The following ZNF385D variants were observed in gnomAD, a reference collection of about 807,000 sequenced individuals.
ZNF385D encodes the protein zinc finger protein 385D, also known as zinc finger protein 659.
Under a neutral mutation model 35.8 loss-of-function variants are expected in ZNF385D, and 15 were observed. That is an observed-to-expected ratio of 0.42 (90% confidence interval 0.28 to 0.64). ZNF385D has a LOEUF of 0.64. ZNF385D is among the 30% of genes least tolerant of loss of function. ZNF385D has a pLI of 0.23. For synonymous variants in ZNF385D, 212 were observed against 186.8 expected (o/e 1.13, Z -1.10); for missense variants, 474 against 494.6 (o/e 0.96, Z 0.39).
At chr3:22,150,714 T>C (rs1198814442) in intron 3 of ZNF385D, among the ~76,000 whole-genome samples, 1 of 152,148 alleles carries the variant, frequency 6.6e-6, no homozygotes, top group Non-Finnish European at 1.5e-5. Flanking sequence ...TCTTAAAATA[T>C]ATTTAATATT....
intron 1 of ZNF385D, among the ~76,000 whole-genome samples, chr3:21,681,298 T>TGAAAAAA (rs367942289): frequency 2.3e-4 from 15 of 64,442 alleles, no homozygotes; most frequent in Non-Finnish European, 3.6e-4. Context: ...ATTCCATCAG[T>TGAAAAAA]AAAAAAAAAA....
rs898016799 is a variant in ZNF385D, at chr3:22,245,037, AC to A, written c.107-76003del. ...AATTGCCAGAGAAAGTAGAAAAATG[AC>A]CTCCAAGTGAATAGACGATCTATGC... On this transcript the variant is annotated intron_variant, in intron 2 of 5. Transcript: ENST00000494108. 1.7e-3 allele frequency among the ~76,000 whole-genome samples: 258 copies of A among 152,184 alleles called. 4 individuals carry two copies. Among genetic ancestry groups the A allele is most frequent in the Non-Finnish European group, 1.2e-4 (8 of 68,018 alleles).
At chr3:22,203,321 C>A (rs145863232) in intron 2 of ZNF385D, among the ~76,000 whole-genome samples, 1 of 152,066 alleles carries the variant, frequency 6.6e-6, no homozygotes, top group Non-Finnish European at 1.5e-5. Flanking sequence ...AAGGGGAGAA[C>A]CCAGTCCTAG....
chr3:21,621,215 C>T (rs1373605185), intron 2 of ZNF385D, among the ~76,000 whole-genome samples: 1 of 152,044 alleles, frequency 6.6e-6, no homozygotes, highest in Non-Finnish European at 1.5e-5. Flanking sequence ...TAAGATTAAT[C>T]AGGGAAGTTA....
intron 3 of ZNF385D, among the ~76,000 whole-genome samples, chr3:21,914,305 TAGTA>T (rs941784514): frequency 2.0e-5 from 3 of 152,040 alleles, no homozygotes; most frequent in Non-Finnish European, 4.4e-5. Context: ...CTTCAAGTGT[TAGTA>T]AGTAAATTAT....
At chr3:21,876,895 G>C (rs1028494614) in intron 3 of ZNF385D, among the ~76,000 whole-genome samples, 2 of 151,994 alleles carry the variant, frequency 1.3e-5, no homozygotes, top group Non-Finnish European at 2.9e-5. Flanking sequence ...ATCTTCCAAA[G>C]AATCATTGTT....
intron 2 of ZNF385D, among the ~76,000 whole-genome samples, chr3:22,346,979 T>C (rs369881101): frequency 3.9e-5 from 6 of 152,308 alleles, no homozygotes; most frequent in East Asian, 1.9e-4. Context: ...TCCACCTAAG[T>C]AGTTGACCAT....
intron 2 of ZNF385D, among the ~76,000 whole-genome samples, chr3:22,214,343 T>C (rs1239607906): frequency 3.3e-5 from 5 of 152,120 alleles, no homozygotes; most frequent in Admixed American, 1.3e-4. Context: ...CCTGTGATAA[T>C]TGCATTAACT....
chr3:22,342,428 A>G (rs1695469315), intron 2 of ZNF385D, among the ~76,000 whole-genome samples: 1 of 152,096 alleles, frequency 6.6e-6, no homozygotes, highest in Non-Finnish European at 1.5e-5. Context: ...ATTTACTTGT[A>G]AATTCTATGA....
chr3:21,603,788 A>T (rs1187777605), intron 2 of ZNF385D, among the ~76,000 whole-genome samples: 1 of 152,116 alleles, frequency 6.6e-6, no homozygotes, highest in Non-Finnish European at 1.5e-5. Flanking sequence ...TGAGAGTGGT[A>T]TTTTATTCTG....
chr3:22,226,313 C>T (rs1239989074), intron 2 of ZNF385D, among the ~76,000 whole-genome samples: 3 of 151,982 alleles, frequency 2.0e-5, no homozygotes, highest in South Asian at 2.1e-4. Flanking sequence ...GGCCTCAGCA[C>T]GACAGACCAG....
Position 21,510,952 on chromosome 3 carries a change from A to T in ZNF385D, c.348T>A (p.Asn116Lys). The T allele has an allele frequency of 6.2e-7, 1 of 1,614,040 alleles. No homozygotes were observed. The highest frequency in any genetic ancestry group is 8.5e-7 in the Non-Finnish European group (1 of 1,179,994). ...CCTTGGCAGTTACAGATTTCTGCTT[A>T]TTTTTCATGGCTTCCAGTGCTTTGA... is the stretch of plus-strand genomic sequence containing the variant. ...KKLKALEAMKNKQKSVTAKDS... is the reference protein window; with the variant it reads ...KKLKALEAMKKKQKSVTAKDS... The change falls in exon 4 of 8, where the codon AAT becomes AAA. Residue 116 changes from asparagine to lysine, a missense_variant. Physicochemically the swap from Asn to Lys is moderately conservative, Grantham distance 94. Transcript: ENST00000281523.
chr3:21,467,439 GT>G (rs1403841473), intron 4 of ZNF385D, among the ~76,000 whole-genome samples: 2 of 152,170 alleles, frequency 1.3e-5, no homozygotes, highest in African/African-American at 4.8e-5. Flanking sequence ...AGATTTTATA[GT>G]TTTTGGGGGG....
chr3:22,303,923 A>G lies in ZNF385D; in HGVS notation c.106+68527T>C, dbSNP rs530134208. 2.7e-4 allele frequency among the ~76,000 whole-genome samples: 41 copies of G among 152,170 alleles called. No homozygotes were observed. In the South Asian group the frequency reaches 8.5e-3, roughly 32 times the overall value. ...CTCCCAAGCAGTTGGGATTATAGGC[A>G]TGTGCCACCACGCCCGGCTAATTTT... is the stretch of plus-strand genomic sequence containing the variant. On this transcript the variant is annotated intron_variant, in intron 2 of 5. Coordinates refer to the ZNF385D transcript ENST00000494108.
intron 1 of ZNF385D, among the ~76,000 whole-genome samples, chr3:21,670,078 T>A (rs760098708): frequency 6.4e-4 from 97 of 152,110 alleles, no homozygotes; most frequent in Non-Finnish European, 1.1e-3. Context: ...TTCAAAATGA[T>A]CACGGATTGC....
At chr3:21,790,072 C>A (rs2071864851) in intron 3 of ZNF385D, among the ~76,000 whole-genome samples, 1 of 152,036 alleles carries the variant, frequency 6.6e-6, no homozygotes, top group Non-Finnish European at 1.5e-5. Flanking sequence ...CACATATACT[C>A]TACAAGACAC....
At chr3:21,904,388 T>A (rs1699569849) in intron 3 of ZNF385D, among the ~76,000 whole-genome samples, 1 of 152,008 alleles carries the variant, frequency 6.6e-6, no homozygotes, top group Admixed American at 6.6e-5. Flanking sequence ...TTTCTGCTTG[T>A]TTCAACAAAA....
At chr3:22,362,955 C>A (rs1177780686) in intron 2 of ZNF385D, among the ~76,000 whole-genome samples, 1 of 152,108 alleles carries the variant, frequency 6.6e-6, no homozygotes, top group East Asian at 1.9e-4. Context: ...AAAACAAAAT[C>A]TCTACTGTCA....
chr3:22,089,976 C>T (rs1268986107), intron 3 of ZNF385D, among the ~76,000 whole-genome samples: 2 of 152,006 alleles, frequency 1.3e-5, no homozygotes, highest in Non-Finnish European at 2.9e-5. Context: ...GTAGCTGGGA[C>T]TACAGGCGCG....
Sources: gnomAD v4.1 joint callset for allele counts (sites outside exome capture counted in the v4.1 genomes callset) on GRCh38, gnomAD v4.1.1 for gene constraint, MANE v1.5 for transcripts, NCBI Gene and HGNC (gene_info 2026-07-23, HGNC 2026-07-21) for gene names.